NETO1: variants seen among roughly 807,000 people sequenced by gnomAD.
NETO1 encodes the protein neuropilin and tolloid-like protein 1.
In NETO1, 26 loss-of-function variants were observed where a neutral mutation model predicts 61.3. The ratio of observed to expected loss-of-function variants is 0.42; its 90% confidence interval spans 0.31 to 0.59. The LOEUF (loss-of-function observed/expected upper bound fraction) is 0.59. Ranked by LOEUF, NETO1 falls within the 20% of genes least tolerant of loss-of-function variation. The probability of loss-of-function intolerance (pLI) is 0.12; values close to 1 mark genes in which losing one functional copy is unlikely to be tolerated. For synonymous variants in NETO1, 225 were observed against 225.8 expected (o/e 1.00, Z 0.03); for missense variants, 531 against 662.8 (o/e 0.80, Z 2.18).
chr18:72,866,979 G>T (rs1443299594), intron 1 of NETO1: 10 of 415,336 alleles, frequency 2.4e-5, no homozygotes, highest in Non-Finnish European at 4.2e-5. Flanking sequence ...TGCCGCACGT[G>T]TCCATCCCTG....
chr18:72,782,854 G>A (rs899650993), intron 7 of NETO1, among the ~76,000 whole-genome samples: 1 of 152,208 alleles, frequency 6.6e-6, no homozygotes, highest in African/African-American at 2.4e-5. Context: ...TATTCTGACT[G>A]GTATGAGATG....
intron 7 of NETO1, among the ~76,000 whole-genome samples, chr18:72,760,237 C>T (rs988505411): frequency 6.6e-6 from 1 of 152,180 alleles, no homozygotes; most frequent in Non-Finnish European, 1.5e-5. Flanking sequence ...CATATCATTG[C>T]TCTTGATTTA....
intron 4 of NETO1, among the ~76,000 whole-genome samples, chr18:72,825,118 T>C (rs1310705677): frequency 3.3e-5 from 5 of 152,138 alleles, no homozygotes; most frequent in East Asian, 1.9e-4. Context: ...TGTTATAACA[T>C]GATTAGCAAG....
chr18:72,777,445 A>C (rs577688382), intron 7 of NETO1, among the ~76,000 whole-genome samples: 37 of 148,080 alleles, frequency 2.5e-4, no homozygotes, highest in East Asian at 8.0e-4. Context: ...ACAACAACAA[A>C]AAAAAAACAA....
At chr18:72,812,694 C>T (rs577693201) in intron 4 of NETO1, among the ~76,000 whole-genome samples, 38 of 152,210 alleles carry the variant, frequency 2.5e-4, no homozygotes, top group African/African-American at 8.7e-4. Flanking sequence ...TTTTTCAATC[C>T]GGTCTCTCTA....
chr18:72,857,773 C>T (rs1011149376), intron 4 of NETO1, among the ~76,000 whole-genome samples: 2 of 152,116 alleles, frequency 1.3e-5, no homozygotes, highest in Non-Finnish European at 2.9e-5. Context: ...ATTAAAACCA[C>T]AATCCTTTAG....
Position 72,809,863 on chromosome 18 carries a change from T to C in NETO1, c.470-15459A>G, listed in dbSNP as rs73471831. On this transcript the variant is annotated intron_variant, in intron 4 of 10. Transcript: ENST00000327305. ...CATACTGCAAATATCAAAGTGATGA[T>C]AGATACTTGCTACATGCCAAGATAG... Among the ~76,000 whole-genome samples the C allele has an allele frequency of 3.7e-4, 56 of 152,364 alleles. No individual in the cohort carries two copies. The East Asian group carries it at 7.3e-3, about 20-fold the overall frequency.
intron 4 of NETO1, among the ~76,000 whole-genome samples, chr18:72,833,301 T>C (rs1415276043): frequency 2.0e-5 from 3 of 152,192 alleles, no homozygotes; most frequent in Non-Finnish European, 4.4e-5. Context: ...CCTCCTACTT[T>C]AGATCTGTAC....
At chr18:72,751,050 T>TACAAACACAC (rs2070595526) in intron 8 of NETO1, among the ~76,000 whole-genome samples, 1 of 138,028 alleles carries the variant, frequency 7.2e-6, no homozygotes, top group African/African-American at 2.8e-5. Flanking sequence ...CATCTTAAAA[T>TACAAACACAC]ACACACACAC....
chr18:72,810,113 T>C (rs186164921), intron 4 of NETO1, among the ~76,000 whole-genome samples: 104 of 152,360 alleles, frequency 6.8e-4, no homozygotes, highest in Admixed American at 2.6e-3. Flanking sequence ...GCTTAAAGGA[T>C]TTATTTGCAT....
At chr18:72,774,170 C>G (rs1457734165) in intron 7 of NETO1, among the ~76,000 whole-genome samples, 1 of 151,992 alleles carries the variant, frequency 6.6e-6, no homozygotes, top group African/African-American at 2.4e-5. Context: ...TTTTATGGTG[C>G]AAAAGTTGTA....
chr18:72,865,244 G>GA lies in NETO1; in HGVS notation c.29-4dup. On this transcript the variant is annotated splice_region_variant and splice_polypyrimidine_tract_variant and intron_variant, in intron 1 of 10. Transcript: ENST00000327305. Reference sequence around the variant, plus strand: ...GAGGATGATTAAACTTGCTACAACTGAAACAGAAAAGAAAAATTAGAGATA... The same window carrying GA: ...GAGGATGATTAAACTTGCTACAACTGAAAACAGAAAAGAAAAATTAGAGATA... 1 of 1,609,958 alleles carries GA rather than the reference G, an allele frequency of 6.2e-7. No homozygotes were observed. Among genetic ancestry groups the GA allele is most frequent in the South Asian group, 1.1e-5 (1 of 90,568 alleles).
At chr18:72,826,150 G>A (rs76835743) in intron 4 of NETO1, among the ~76,000 whole-genome samples, 1,793 of 152,064 alleles carry the variant, frequency 0.012, 44 homozygotes, top group African/African-American at 0.041. Context: ...TTTTAAATAC[G>A]TTTTTAATTA....
intron 7 of NETO1, among the ~76,000 whole-genome samples, chr18:72,768,389 A>G (rs931650427): frequency 6.6e-6 from 1 of 152,176 alleles, no homozygotes; most frequent in Non-Finnish European, 1.5e-5. Flanking sequence ...CCTTAAAGTC[A>G]ACTTAATAAT....
intron 4 of NETO1, among the ~76,000 whole-genome samples, chr18:72,856,128 A>G (rs919706705): frequency 3.9e-5 from 6 of 152,172 alleles, no homozygotes; most frequent in African/African-American, 1.4e-4. Flanking sequence ...TACACTCTCA[A>G]TGTGTTTACA....
chr18:72,792,139 A>C (rs930061535), intron 6 of NETO1, among the ~76,000 whole-genome samples: 8 of 152,094 alleles, frequency 5.3e-5, no homozygotes, highest in Non-Finnish European at 1.2e-4. Flanking sequence ...GTGCCCTCAA[A>C]AAAGGTTCTT....
In NETO1 at chr18:72,864,937, T is replaced by C. The variant is rs764887783; in HGVS notation, c.91A>G (p.Thr31Ala). 3 of 1,576,824 alleles carry C rather than the reference T, an allele frequency of 1.9e-6. No individual in the cohort carries two copies. The highest frequency in any genetic ancestry group is 2.4e-5 in the South Asian group (2 of 83,976). ...ACTGACTTCTGTGTTTCTGAGGTGG[T>C]TTGCTTTTCTGTTAAAAAAAAAAAA... ...GATKKGTEKQTTSETQKSVQC... is the reference protein window; with the variant it reads ...GATKKGTEKQATSETQKSVQC... Residue 31 changes from threonine (T) to alanine (A), a missense_variant, in exon 3 of 11, where the codon ACC becomes GCC. Transcript: ENST00000327305.
chr18:72,834,694 G>A (rs2073686412), intron 4 of NETO1: 1 of 984,906 alleles, frequency 1.0e-6, no homozygotes, highest in Non-Finnish European at 1.2e-6. Context: ...CTCGGAATGG[G>A]CGAATAATAA....
chr18:72,819,145 T>G (rs1316915393), intron 4 of NETO1, among the ~76,000 whole-genome samples: 1 of 152,152 alleles, frequency 6.6e-6, no homozygotes, highest in African/African-American at 2.4e-5. Flanking sequence ...TCTTACTGTC[T>G]TACTGTTTAT....
Sources: gnomAD v4.1 joint callset for allele counts (sites outside exome capture counted in the v4.1 genomes callset) on GRCh38, gnomAD v4.1.1 for gene constraint, MANE v1.5 for transcripts, NCBI Gene and HGNC (gene_info 2026-07-23, HGNC 2026-07-21) for gene names.